TYW1: variants seen among roughly 807,000 people sequenced by gnomAD.
The protein encoded by TYW1 is S-adenosyl-L-methionine-dependent tRNA 4-demethylwyosine synthase TYW1.
In TYW1, 46 loss-of-function variants were observed where a neutral mutation model predicts 96.2. The observed-to-expected ratio is 0.48, with a 90% CI of 0.38 to 0.61. TYW1 has a LOEUF of 0.61. TYW1 is among the 20% of genes least tolerant of loss of function. The probability of loss-of-function intolerance (pLI) is 0.00; values close to 1 mark genes in which losing one functional copy is unlikely to be tolerated. For synonymous variants in TYW1, 274 were observed against 323.0 expected, an observed-to-expected ratio of 0.85 and a Z score of 1.63; for missense variants, 684 against 909.6, an observed-to-expected ratio of 0.75 and a Z score of 3.19.
At chr7:67,043,379 G>C (rs953848390) in intron 7 of TYW1, among the ~76,000 whole-genome samples, 5 of 129,986 alleles carry the variant, frequency 3.8e-5, no homozygotes, top group African/African-American at 1.4e-4. Flanking sequence ...TTTTTTTCCT[G>C]CAGTAAATAA....
chr7:67,152,281 C>A (rs1158462432), intron 13 of TYW1, among the ~76,000 whole-genome samples: 12 of 152,166 alleles, frequency 7.9e-5, no homozygotes, highest in Admixed American at 1.3e-4. Context: ...CATTAGGATA[C>A]TCGGAAACTG....
intron 11 of TYW1, among the ~76,000 whole-genome samples, chr7:67,092,091 G>A (rs1306334390): frequency 1.3e-5 from 2 of 152,166 alleles, no homozygotes; most frequent in Non-Finnish European, 2.9e-5. Flanking sequence ...CTTTGTCTGA[G>A]TTGATGGCAG....
chr7:67,129,639 G>A lies in TYW1; in HGVS notation c.1698+12021G>A, dbSNP rs867703084. On this transcript the variant is annotated intron_variant, in intron 13 of 15. Transcript: ENST00000359626. The stretch of plus-strand genomic sequence containing the variant: ...ATTTGTTCAGCTTTTTACTTGTTAA[G>A]ACACAGTGATGACGTCCAAGCAACT... 3.3e-5 allele frequency among the ~76,000 whole-genome samples: 5 copies of A among 152,220 alleles called. 1 individual carries two copies. In the South Asian group the frequency reaches 1.0e-3, roughly 32 times the overall value.
At chr7:67,154,170 C>CCAAAGTG (rs1798894758) in intron 13 of TYW1, among the ~76,000 whole-genome samples, 1 of 152,150 alleles carries the variant, frequency 6.6e-6, no homozygotes, top group Non-Finnish European at 1.5e-5. Flanking sequence ...GATCCACCTG[C>CCAAAGTG]CTTGGCCTGC....
At chr7:67,027,774 C>T (rs1240980732) in intron 7 of TYW1, among the ~76,000 whole-genome samples, 1 of 151,504 alleles carries the variant, frequency 6.6e-6, no homozygotes, top group Non-Finnish European at 1.5e-5. Flanking sequence ...ACTAAAAATA[C>T]AAAAAATTAG....
intron 13 of TYW1, among the ~76,000 whole-genome samples, chr7:67,151,946 A>G (rs1798818204): frequency 6.6e-6 from 1 of 152,046 alleles, no homozygotes; most frequent in Non-Finnish European, 1.5e-5. Flanking sequence ...AGCTGGGACC[A>G]CAGGCATGCA....
chr7:67,184,632 ATT>A (rs1247515867), intron 14 of TYW1, among the ~76,000 whole-genome samples: 2 of 87,414 alleles, frequency 2.3e-5, no homozygotes, highest in Admixed American at 1.5e-4. Flanking sequence ...ATTTTATTTT[ATT>A]TTATTTTATT....
At position 67,035,976 on chromosome 7, in the gene TYW1, C is replaced by T. The variant is rs190535949; in HGVS notation, c.984+10954C>T. 3.6e-3 allele frequency among the ~76,000 whole-genome samples: 542 copies of T among 150,240 alleles called. 6 individuals carry two copies. Among genetic ancestry groups the T allele is most frequent in the African/African-American group, 0.012 (494 of 41,356 alleles). ...ACAGGCGTGAGCCACTGTGCCCGGC[C>T]GGTTCTATTGTTCTTAAGTCCAAGG... On this transcript the variant is annotated intron_variant, in intron 7 of 15. Coordinates refer to ENST00000359626, the MANE Select transcript of TYW1 (RefSeq NM_018264.4).
intron 7 of TYW1, among the ~76,000 whole-genome samples, chr7:67,041,126 C>A (rs1795006671): frequency 6.6e-6 from 1 of 151,920 alleles, no homozygotes; most frequent in African/African-American, 2.4e-5. Context: ...GTGTTTTTTC[C>A]CAATTTTGGT....
chr7:67,083,541 T>C lies in TYW1; in HGVS notation c.1384+2T>C. The C allele has an allele frequency of 6.2e-7, 1 of 1,613,812 alleles. No individual in the cohort carries two copies. The highest frequency in any genetic ancestry group is 8.5e-7 in the Non-Finnish European group (1 of 1,179,850). On this transcript the variant is annotated splice_donor_variant, in intron 11 of 15. Transcript: ENST00000359626. LOFTEE classifies it high-confidence loss of function. Reference sequence around the variant, plus strand: ...AGAACATGATTAAGCAGTTTAAAGGTATTTATCTTCCCTCTACAAAGGAAT... The same window carrying C: ...AGAACATGATTAAGCAGTTTAAAGGCATTTATCTTCCCTCTACAAAGGAAT...
intron 15 of TYW1, among the ~76,000 whole-genome samples, chr7:67,214,744 A>G (rs538429430): frequency 2.4e-4 from 36 of 147,070 alleles, no homozygotes; most frequent in African/African-American, 9.3e-4. Flanking sequence ...ATTTTCTTCA[A>G]CTATTGATAA....
chr7:67,005,478 C>T (rs1793544062), intron 3 of TYW1, among the ~76,000 whole-genome samples: 1 of 152,202 alleles, frequency 6.6e-6, no homozygotes, highest in African/African-American at 2.4e-5. Context: ...TGCCTGTAGT[C>T]CTAGCTACTT....
At chr7:67,202,575 G>C (rs1043893776) in intron 15 of TYW1, among the ~76,000 whole-genome samples, 4 of 151,948 alleles carry the variant, frequency 2.6e-5, no homozygotes, top group Non-Finnish European at 5.9e-5. Flanking sequence ...TTTTAAATTT[G>C]TTATTGAGAT....
At chr7:67,118,982 C>T in intron 13 of TYW1, among the ~76,000 whole-genome samples, 1 of 148,618 alleles carries the variant, frequency 6.7e-6, no homozygotes, top group Non-Finnish European at 1.5e-5. Flanking sequence ...CCTAAGCCAT[C>T]AATAGCCTCA....
intron 7 of TYW1, among the ~76,000 whole-genome samples, chr7:67,033,181 G>A (rs1794726706): frequency 1.3e-5 from 2 of 152,070 alleles, no homozygotes; most frequent in South Asian, 4.1e-4. Flanking sequence ...CCAGGCATGA[G>A]CCACTGCACC....
chr7:67,016,558 A>C (rs1340092629), intron 5 of TYW1, among the ~76,000 whole-genome samples: 1 of 152,142 alleles, frequency 6.6e-6, no homozygotes, highest in African/African-American at 2.4e-5. Context: ...AAAAAAAATA[A>C]ATAAATAAAA....
chr7:67,234,628 C>T (rs1304803066), intron 15 of TYW1, among the ~76,000 whole-genome samples: 1 of 142,250 alleles, frequency 7.0e-6, no homozygotes, highest in Non-Finnish European at 1.5e-5. Context: ...CCTGCATTTA[C>T]TTGGTCTTCC....
At chr7:67,063,658 T>C (rs2901442) in intron 9 of TYW1, among the ~76,000 whole-genome samples, 5,956 of 151,712 alleles carry the variant, frequency 0.039, 178 homozygotes, top group Middle Eastern at 0.1. Flanking sequence ...GGCTGGAGTG[T>C]AGTGGCGCGA....
intron 13 of TYW1, among the ~76,000 whole-genome samples, chr7:67,153,595 T>C (rs9692303): frequency 0.26 from 39,487 of 152,176 alleles, 5,605 homozygotes; most frequent in African/African-American, 0.38. Context: ...CTTTATCAAA[T>C]TTGCTCTCAT....
Sources: allele counts gnomAD v4.1 joint callset (sites outside exome capture counted in the v4.1 genomes callset), GRCh38; gene constraint gnomAD v4.1.1; transcripts MANE v1.5; gene names NCBI Gene and HGNC (gene_info 2026-07-23, HGNC 2026-07-21).